The following NRG2 variants were observed in gnomAD, a reference collection of about 807,000 sequenced individuals.
NRG2 encodes the protein pro-neuregulin-2, membrane-bound isoform.
A neutral mutation model predicts 73.9 loss-of-function variants in NRG2; 27 were observed. That is an observed-to-expected ratio of 0.37 (90% confidence interval 0.27 to 0.50). NRG2 has a LOEUF of 0.50. Among genes scored for constraint, NRG2 ranks in the 20% least tolerant of loss-of-function variants. The pLI is 0.96. For synonymous variants in NRG2, 532 were observed against 541.0 expected (o/e 0.98, Z 0.23); for missense variants, 1,126 against 1,210.1 (o/e 0.93, Z 1.03).
rs138450353 is a variant in NRG2, at chr5:139,851,673, C to T, written c.1703G>A (p.Arg568Gln). The change falls in exon 9 of 10, where the codon CGG (arginine) becomes CAG (glutamine). Residue 568 changes from arginine to glutamine, a missense_variant. Physicochemically the swap from Arg to Gln is conservative, Grantham distance 43. This residue lies in a region of NRG2 where 539 missense variants were observed against 703.2 expected (regional missense o/e 0.77). Transcript: ENST00000361474. This position sits in a 1 kb window ranked among gnomAD's most constrained non-coding sequence, Gnocchi z 4.2. ...RRAAAYNLEE[R>Q]RRATAPPYHD... Reference sequence around the variant, plus strand: ...ATAGGGTGGCGCGGTGGCCCTGCGCCGCTCCTCCAGGTTGTAGGCTGCTGC... The same window carrying T: ...ATAGGGTGGCGCGGTGGCCCTGCGCTGCTCCTCCAGGTTGTAGGCTGCTGC... 83 of 1,614,148 alleles carry T rather than the reference C, an allele frequency of 5.1e-5. 1 individual carries two copies. Among genetic ancestry groups the T allele is most frequent in the East Asian group, 1.6e-4 (7 of 44,874 alleles).
intron 1 of NRG2, among the ~76,000 whole-genome samples, chr5:139,990,852 T>C (rs1757567588): frequency 1.3e-5 from 2 of 152,214 alleles, no homozygotes; most frequent in Admixed American, 1.3e-4. Flanking sequence ...TTTGTGCTTT[T>C]CTTATTAATT....
chr5:139,985,098 G>A (rs1450202668), intron 1 of NRG2, among the ~76,000 whole-genome samples: 1 of 152,086 alleles, frequency 6.6e-6, no homozygotes, highest in African/African-American at 2.4e-5. Flanking sequence ...CCAGCACTTT[G>A]GGAGGCTGAG....
intron 1 of NRG2, among the ~76,000 whole-genome samples, chr5:139,997,875 G>T (rs1414497213): frequency 1.3e-5 from 2 of 152,224 alleles, no homozygotes; most frequent in African/African-American, 4.8e-5. Flanking sequence ...AGAGGGCCAT[G>T]GGCCGGGTTT....
chr5:139,903,904 A>G (rs1005073682), intron 1 of NRG2, among the ~76,000 whole-genome samples: 7 of 152,158 alleles, frequency 4.6e-5, no homozygotes, highest in Non-Finnish European at 1.0e-4. Context: ...TCTCCGAGGA[A>G]GGGAAGGCAG....
Position 139,887,577 on chromosome 5 carries a change from G to GCCCTTACTCTCCACT in NRG2, c.701-67_701-66insAGTGGAGAGTAAGGG. On this transcript the variant is annotated intron_variant, in intron 1 of 9. Transcript: ENST00000361474. The surrounding 1 kb of genome is among the most constrained non-coding windows in gnomAD (Gnocchi z 4.5). ...GGGGCAGTGCCAAGCATGAGTAGTG[G>GCCCTTACTCTCCACT]AGAGTAAGGGCCACTGTCTTTGGGC... is the stretch of plus-strand genomic sequence containing the variant. The GCCCTTACTCTCCACT allele has an allele frequency of 6.9e-7, 1 of 1,449,492 alleles. No individual in the cohort carries two copies. The highest frequency in any genetic ancestry group is 9.6e-7 in the Non-Finnish European group (1 of 1,045,190). The allele number at this position is 1,449,492 out of a possible 1,614,324, so 89.8% of individuals were successfully genotyped here.
At chr5:140,019,286 C>G (rs1760033060) in intron 1 of NRG2, among the ~76,000 whole-genome samples, 1 of 152,206 alleles carries the variant, frequency 6.6e-6, no homozygotes, top group African/African-American at 2.4e-5. Context: ...CAGCCCAGTT[C>G]CAACAAGGGG....
chr5:139,864,509 G>A (rs1215414409), intron 5 of NRG2, among the ~76,000 whole-genome samples: 1 of 151,116 alleles, frequency 6.6e-6, no homozygotes, highest in Non-Finnish European at 1.5e-5. Context: ...AGAGTCACCA[G>A]TTACCCCTCA....
intron 1 of NRG2, among the ~76,000 whole-genome samples, chr5:140,018,741 T>C (rs1759991833): frequency 1.3e-5 from 2 of 152,204 alleles, no homozygotes; most frequent in African/African-American, 4.8e-5. Context: ...AGGTCAGCGC[T>C]TGACTCCTGC....
intron 1 of NRG2, among the ~76,000 whole-genome samples, chr5:139,995,445 A>G (rs1757951826): frequency 6.6e-6 from 1 of 152,216 alleles, no homozygotes; most frequent in South Asian, 2.1e-4. Flanking sequence ...ACAGACGCAG[A>G]CGGGCAGTTC....
chr5:139,998,792 G>T (rs538579522), intron 1 of NRG2, among the ~76,000 whole-genome samples: 1 of 152,200 alleles, frequency 6.6e-6, no homozygotes, highest in Admixed American at 6.5e-5. Flanking sequence ...ACTGTTACTT[G>T]AAATATGGGT....
chr5:140,022,705 T>C (rs1173002788), intron 1 of NRG2, among the ~76,000 whole-genome samples: 2 of 152,254 alleles, frequency 1.3e-5, no homozygotes, highest in African/African-American at 4.8e-5. Flanking sequence ...ACAGTATTTA[T>C]TTTTATATGA....
chr5:139,903,701 C>T (rs561318001), intron 1 of NRG2, among the ~76,000 whole-genome samples: 1 of 152,340 alleles, frequency 6.6e-6, no homozygotes, highest in African/African-American at 2.4e-5. Flanking sequence ...AGACAACTGC[C>T]CAATGTCTAG....
intron 1 of NRG2, among the ~76,000 whole-genome samples, chr5:139,958,935 G>T (rs758381074): frequency 6.6e-6 from 1 of 152,210 alleles, no homozygotes; most frequent in East Asian, 1.9e-4. Context: ...TTGGTGGCAT[G>T]AGTGACTTGC....
chr5:139,906,630 G>GAT (rs1765249149), intron 1 of NRG2, among the ~76,000 whole-genome samples: 1 of 152,240 alleles, frequency 6.6e-6, no homozygotes. Flanking sequence ...AGGTGCTGGA[G>GAT]ATACGGCAGT....
At chr5:139,906,102 G>T (rs1765206400) in intron 1 of NRG2, among the ~76,000 whole-genome samples, 1 of 152,038 alleles carries the variant, frequency 6.6e-6, no homozygotes, top group African/African-American at 2.4e-5. Flanking sequence ...CCTCCTCTCG[G>T]GTTCAAGCGA....
rs1055827872 is a variant in NRG2 at position 139,894,217 on chromosome 5, C to T, written c.701-6706G>A. Among the ~76,000 whole-genome samples the T allele has an allele frequency of 1.3e-5, 2 of 152,180 alleles. No individual in the cohort carries two copies. Among genetic ancestry groups the T allele is most frequent in the South Asian group, 2.1e-4 (1 of 4,820 alleles). ...GCTCTGCCTCCCTCCCGGCACCCAG[C>T]GGGCAGGGGCAGCAGGCTCTTAAAA... On this transcript the variant is annotated intron_variant, in intron 1 of 9. Transcript: ENST00000361474. The surrounding 1 kb of genome is among the most constrained non-coding windows in gnomAD (Gnocchi z 5.0).
intron 3 of NRG2, among the ~76,000 whole-genome samples, chr5:139,879,858 G>C (rs1316299807): frequency 1.3e-5 from 2 of 152,188 alleles, no homozygotes; most frequent in African/African-American, 4.8e-5. Context: ...AGGAGCACAA[G>C]GGGCTGGGAG....
At chr5:139,912,644 A>C (rs1750921296) in intron 1 of NRG2, among the ~76,000 whole-genome samples, 1 of 152,128 alleles carries the variant, frequency 6.6e-6, no homozygotes, top group South Asian at 2.1e-4. Flanking sequence ...AAAGCAAAGA[A>C]CCACTAGACC....
rs541772013 is a variant in NRG2, at chr5:139,904,793, G to C, written c.701-17282C>G. Among the ~76,000 whole-genome samples, 1 of 152,214 alleles carries C rather than the reference G, an allele frequency of 6.6e-6. No homozygotes were observed. Among genetic ancestry groups the C allele is most frequent in the Non-Finnish European group, 1.5e-5 (1 of 68,020 alleles). ...GGGCCAGGCTAAGGACAGCATGGGG[G>C]TGGGGAGACAGCGAGGAAAGGGCCC... On this transcript the variant is annotated intron_variant, in intron 1 of 9. Coordinates refer to ENST00000361474, the MANE Select transcript of NRG2 (RefSeq NM_004883.3). The surrounding 1 kb of genome is among the most constrained non-coding windows in gnomAD (Gnocchi z 6.0).
Sources: allele counts gnomAD v4.1 joint callset (sites outside exome capture counted in the v4.1 genomes callset), GRCh38; gene constraint gnomAD v4.1.1; regional missense constraint gnomAD v4.1.1; non-coding constraint Gnocchi (gnomAD v3.1); transcripts MANE v1.5; gene names NCBI Gene and HGNC (gene_info 2026-07-23, HGNC 2026-07-21).